Variants in CSMD1 observed in about 807,000 individuals in gnomAD.
CSMD1 encodes the protein CUB and Sushi multiple domains 1.
In CSMD1, 213 loss-of-function variants were observed where a neutral mutation model predicts 417.5. The ratio of observed to expected loss-of-function variants is 0.51; its 90% CI spans 0.46 to 0.57. CSMD1 has a LOEUF of 0.57. Ranked by LOEUF, CSMD1 falls within the 20% of genes least tolerant of loss-of-function variation. The pLI is 0.00. For missense variants in CSMD1, 6,923 were observed against 4,529.7 expected (o/e 1.53, Z -15.17); for synonymous variants, 2,862 against 1,736.8 (o/e 1.65, Z -16.11).
chr8:4,590,936 G>C (rs555772758), intron 2 of CSMD1, among the ~76,000 whole-genome samples: 2 of 152,186 alleles, frequency 1.3e-5, no homozygotes, highest in African/African-American at 2.4e-5. Flanking sequence ...TCTGAGCTCT[G>C]CTGAGTTGGT....
At chr8:3,814,094 G>T (rs188121769) in intron 5 of CSMD1, among the ~76,000 whole-genome samples, 1 of 152,170 alleles carries the variant, frequency 6.6e-6, no homozygotes, top group African/African-American at 2.4e-5. Context: ...TGAAGGAAGA[G>T]CTTGAGATCA....
intron 1 of CSMD1, among the ~76,000 whole-genome samples, chr8:4,682,053 C>G (rs1318336532): frequency 6.6e-6 from 1 of 152,156 alleles, no homozygotes; most frequent in African/African-American, 2.4e-5. Context: ...GGGTCTCACT[C>G]TGTCACCCAG....
chr8:3,402,319 A>G (rs560222596), intron 15 of CSMD1, among the ~76,000 whole-genome samples: 132 of 152,020 alleles, frequency 8.7e-4, no homozygotes, highest in Non-Finnish European at 1.3e-3. Flanking sequence ...TATGTGAGTC[A>G]TTTTTGGTAT....
At chr8:4,314,588 G>T (rs1463208310) in intron 3 of CSMD1, among the ~76,000 whole-genome samples, 2 of 128,946 alleles carry the variant, frequency 1.6e-5, no homozygotes, top group Non-Finnish European at 3.2e-5. Context: ...TTATGCTACT[G>T]GTTGTATTAC....
At chr8:3,747,206 C>G (rs1171949202) in intron 6 of CSMD1, among the ~76,000 whole-genome samples, 1 of 152,124 alleles carries the variant, frequency 6.6e-6, no homozygotes. Context: ...GAGCCACAGC[C>G]CTTAATCTCT....
At chr8:4,863,028 C>T (rs1421057307) in intron 1 of CSMD1, among the ~76,000 whole-genome samples, 1 of 152,000 alleles carries the variant, frequency 6.6e-6, no homozygotes, top group African/African-American at 2.4e-5. Context: ...ACTCTGACAG[C>T]GACCCTTGGG....
At chr8:3,050,495 T>C (rs1811749645) in intron 50 of CSMD1, among the ~76,000 whole-genome samples, 1 of 152,186 alleles carries the variant, frequency 6.6e-6, no homozygotes, top group African/African-American at 2.4e-5. Context: ...CTTATTAAAA[T>C]CAACCCCAAA....
chr8:3,162,762 CTCTT>C (rs1375678250), intron 37 of CSMD1, among the ~76,000 whole-genome samples: 4 of 151,930 alleles, frequency 2.6e-5, no homozygotes, highest in Non-Finnish European at 4.4e-5. Flanking sequence ...ATCTCTCTCT[CTCTT>C]TCTCTTAAAG....
At chr8:4,075,022 C>A (rs908054931) in intron 3 of CSMD1, among the ~76,000 whole-genome samples, 4 of 152,118 alleles carry the variant, frequency 2.6e-5, no homozygotes, top group African/African-American at 9.7e-5. Context: ...TCTTTACTCA[C>A]TGTAATAACC....
intron 1 of CSMD1, among the ~76,000 whole-genome samples, chr8:4,704,375 G>A (rs1807784288): frequency 6.6e-6 from 1 of 152,198 alleles, no homozygotes; most frequent in African/African-American, 2.4e-5. Flanking sequence ...ATTGCAATCA[G>A]TAAGAATCTC....
chr8:3,332,352 T>C (rs949227424), intron 23 of CSMD1, among the ~76,000 whole-genome samples: 1 of 152,238 alleles, frequency 6.6e-6, no homozygotes, highest in Non-Finnish European at 1.5e-5. Context: ...GCTGAGGGCT[T>C]GCCCGCTCCT....
intron 3 of CSMD1, among the ~76,000 whole-genome samples, chr8:4,317,122 T>G (rs576181633): frequency 5.3e-4 from 80 of 152,260 alleles, no homozygotes; most frequent in African/African-American, 1.9e-3. Flanking sequence ...GCCAAGCACA[T>G]CATCATCATC....
At chr8:3,969,027 G>T (rs183955402) in intron 5 of CSMD1, among the ~76,000 whole-genome samples, 1 of 152,170 alleles carries the variant, frequency 6.6e-6, no homozygotes, top group African/African-American at 2.4e-5. Flanking sequence ...GAGGCAGGTG[G>T]ATCACTTGAG....
At chr8:3,223,349 G>C (rs1798319920) in intron 28 of CSMD1, among the ~76,000 whole-genome samples, 1 of 152,128 alleles carries the variant, frequency 6.6e-6, no homozygotes, top group East Asian at 1.9e-4. Flanking sequence ...AGGAACGTCA[G>C]GATGTGCTGT....
chr8:3,696,800 T>C (rs1585091624), intron 7 of CSMD1, among the ~76,000 whole-genome samples: 1 of 152,226 alleles, frequency 6.6e-6, no homozygotes, highest in South Asian at 2.1e-4. Context: ...AATATATTTC[T>C]TCTACTCTTT....
chr8:3,640,069 G>A lies in CSMD1; in HGVS notation c.1010-23272C>T, dbSNP rs187097965. On this transcript the variant is annotated intron_variant, in intron 7 of 69. Coordinates refer to ENST00000635120, the MANE Select transcript of CSMD1 (RefSeq NM_033225.6). ...CATTAATCTAATTGCATAAGAAGCA[G>A]CAACTTATTTTAAAAATTGAAGGCT... Among the ~76,000 whole-genome samples, 567 of 152,248 alleles carry A rather than the reference G, an allele frequency of 3.7e-3. 4 individuals carry two copies. The highest frequency in any genetic ancestry group is 0.012 in the African/African-American group (506 of 41,550).
In CSMD1 at chr8:4,888,738, G is replaced by A. The variant is rs989485917; in HGVS notation, c.85+105594C>T. On this transcript the variant is annotated intron_variant, in intron 1 of 69. Transcript: ENST00000635120. The stretch of plus-strand genomic sequence containing the variant: ...TGCAGGGAAAGTGCAGGCCAAGCCT[G>A]GGATATGTGTTAGGGCTAAAAAGTA... Among the ~76,000 whole-genome samples, 4 of 152,152 alleles carry A rather than the reference G, an allele frequency of 2.6e-5. No homozygotes were observed. In the East Asian group the frequency reaches 5.8e-4, roughly 22 times the overall value.
At chr8:3,184,734 T>G (rs765261965) in intron 36 of CSMD1, among the ~76,000 whole-genome samples, 4 of 152,220 alleles carry the variant, frequency 2.6e-5, no homozygotes, top group African/African-American at 9.6e-5. Flanking sequence ...AAATTTAATC[T>G]TTACCATGGC....
intron 1 of CSMD1, among the ~76,000 whole-genome samples, chr8:4,666,537 G>C (rs999744850): frequency 1.3e-5 from 2 of 152,122 alleles, no homozygotes; most frequent in Non-Finnish European, 2.9e-5. Context: ...ATAATACTTT[G>C]ATTTTTGACC....
Sources: allele counts gnomAD v4.1 joint callset (sites outside exome capture counted in the v4.1 genomes callset), GRCh38; gene constraint gnomAD v4.1.1; transcripts MANE v1.5; gene names NCBI Gene and HGNC (gene_info 2026-07-23, HGNC 2026-07-21).